CNTNAP2: variants seen among roughly 807,000 people sequenced by gnomAD.
CNTNAP2 encodes contactin associated protein 2, also known as contactin-associated protein-like 2.
CNTNAP2 carries 98 observed loss-of-function variants against 155.2 expected under a neutral mutation model. That is an observed-to-expected ratio of 0.63 (90% CI 0.54 to 0.75). The LOEUF (loss-of-function observed/expected upper bound fraction) is 0.75. Among genes scored for constraint, CNTNAP2 ranks in the 30% least tolerant of loss-of-function variants. The pLI is 0.00. For synonymous variants in CNTNAP2, 651 were observed against 631.2 expected (o/e 1.03, Z -0.47); for missense variants, 1,727 against 1,688.1 (o/e 1.02, Z -0.40).
At chr7:146,543,352 C>T (rs1797982051) in intron 1 of CNTNAP2, among the ~76,000 whole-genome samples, 4 of 151,824 alleles carry the variant, frequency 2.6e-5, no homozygotes, top group Admixed American at 2.6e-4. Flanking sequence ...GTGACTTTGA[C>T]ATACATAAAC....
At position 148,137,038 on chromosome 7, in the gene CNTNAP2, T is replaced by C. The variant is rs146978813; in HGVS notation, c.2555-10453T>C. Among the ~76,000 whole-genome samples, 180 of 152,284 alleles carry C rather than the reference T, an allele frequency of 1.2e-3. 1 individual carries two copies. The highest frequency in any genetic ancestry group is 4.2e-3 in the African/African-American group (173 of 41,564). Reference sequence around the variant, plus strand: ...AAGTAGAAGTTGGCTGACACAACCATAAGGGATGCTGTGAAGTGATTTCTG... The same window carrying C: ...AAGTAGAAGTTGGCTGACACAACCACAAGGGATGCTGTGAAGTGATTTCTG... On this transcript the variant is annotated intron_variant, in intron 16 of 23. Coordinates refer to ENST00000361727, the MANE Select transcript of CNTNAP2 (RefSeq NM_014141.6).
chr7:146,453,163 G>A (rs185283147), intron 1 of CNTNAP2, among the ~76,000 whole-genome samples: 11 of 152,142 alleles, frequency 7.2e-5, no homozygotes, highest in African/African-American at 9.7e-5. Context: ...GAAACCCTCC[G>A]GAATGTTCAG....
At chr7:147,318,182 C>G (rs189548285) in intron 9 of CNTNAP2, among the ~76,000 whole-genome samples, 15 of 152,226 alleles carry the variant, frequency 9.9e-5, no homozygotes, top group Admixed American at 9.8e-4. Flanking sequence ...TGGCTCACAC[C>G]TATAATCCCA....
intron 3 of CNTNAP2, among the ~76,000 whole-genome samples, chr7:146,993,633 C>T (rs1044474074): frequency 3.3e-5 from 5 of 152,188 alleles, no homozygotes; most frequent in East Asian, 1.9e-4. Context: ...CCTCCTGCCC[C>T]GCTCAAGCCT....
At chr7:148,350,801 G>T (rs1043400061) in intron 21 of CNTNAP2, among the ~76,000 whole-genome samples, 20 of 152,320 alleles carry the variant, frequency 1.3e-4, no homozygotes, top group African/African-American at 4.8e-4. Context: ...GCTGTGGATT[G>T]AGATCTGTAT....
intron 1 of CNTNAP2, among the ~76,000 whole-genome samples, chr7:146,628,311 G>A (rs1259138995): frequency 6.6e-6 from 1 of 152,070 alleles, no homozygotes; most frequent in Non-Finnish European, 1.5e-5. Flanking sequence ...TTTATCATAT[G>A]CGGAATCTAT....
At chr7:147,877,656 A>G (rs1272518657) in intron 13 of CNTNAP2, among the ~76,000 whole-genome samples, 4 of 152,144 alleles carry the variant, frequency 2.6e-5, no homozygotes, top group African/African-American at 9.7e-5. Flanking sequence ...CACTTTGTTA[A>G]ATGAACACCT....
chr7:146,121,742 C>T (rs2692362), intron 1 of CNTNAP2, among the ~76,000 whole-genome samples: 80,718 of 151,974 alleles, frequency 0.53, 21,634 homozygotes, highest in East Asian at 0.64. Flanking sequence ...TCTAGAGAGA[C>T]ACATATTTTA....
Position 148,039,441 on chromosome 7 carries a change from T to C in CNTNAP2, c.2383+61452T>C, listed in dbSNP as rs1437524516. On this transcript the variant is annotated intron_variant, in intron 15 of 23. Transcript: ENST00000361727. ...ACCCCAATCTCCTCTGGAAAGACCC[T>C]TGCAGACACACCCAGAAATAATTTT... is the stretch of plus-strand genomic sequence containing the variant. Among the ~76,000 whole-genome samples, 3 of 152,156 alleles carry C rather than the reference T, an allele frequency of 2.0e-5. No individual in the cohort carries two copies. In the East Asian group the frequency reaches 5.8e-4, roughly 29 times the overall value.
rs1463573348 is a variant in CNTNAP2, at chr7:147,705,536, G to T, written c.2098+66230G>T. On this transcript the variant is annotated intron_variant, in intron 13 of 23. Transcript: ENST00000361727. Reference sequence around the variant, plus strand: ...AAGGTGCATTCTGTAGCTGCTGAATGAAGTGTTCTCTAGATGTCTGTTAGG... The same window carrying T: ...AAGGTGCATTCTGTAGCTGCTGAATTAAGTGTTCTCTAGATGTCTGTTAGG... Among the ~76,000 whole-genome samples, 6 of 152,280 alleles carry T rather than the reference G, an allele frequency of 3.9e-5. No individual in the cohort carries two copies. In the East Asian group the frequency reaches 1.2e-3, roughly 29 times the overall value.
intron 10 of CNTNAP2, among the ~76,000 whole-genome samples, chr7:147,419,699 C>A (rs1389565095): frequency 6.6e-6 from 1 of 152,128 alleles, no homozygotes; most frequent in Non-Finnish European, 1.5e-5. Context: ...TTTAGATTAT[C>A]TACCAGTGTT....
intron 21 of CNTNAP2, among the ~76,000 whole-genome samples, chr7:148,330,633 G>A (rs1454857696): frequency 6.7e-6 from 1 of 149,854 alleles, no homozygotes; most frequent in Admixed American, 6.6e-5. Context: ...TGGAGTGGAC[G>A]GACGGAGTGG....
chr7:146,179,418 GA>G (rs1562979241), intron 1 of CNTNAP2, among the ~76,000 whole-genome samples: 2 of 151,942 alleles, frequency 1.3e-5, no homozygotes, highest in African/African-American at 2.4e-5. Context: ...TAGAAAGTCA[GA>G]AAAAAACTTT....
At chr7:148,116,588 A>T (rs888892459) in intron 15 of CNTNAP2, among the ~76,000 whole-genome samples, 10 of 152,190 alleles carry the variant, frequency 6.6e-5, no homozygotes, top group Admixed American at 2.0e-4. Flanking sequence ...TTATCTTTTA[A>T]CATGCCTGGG....
intron 3 of CNTNAP2, among the ~76,000 whole-genome samples, chr7:146,957,534 A>G (rs2129229510): frequency 6.6e-6 from 1 of 152,336 alleles, no homozygotes; most frequent in East Asian, 1.9e-4. Context: ...AGCATAGAGT[A>G]ATTGTGCAAA....
At chr7:148,352,528 T>C (rs995165780) in intron 21 of CNTNAP2, among the ~76,000 whole-genome samples, 1 of 152,192 alleles carries the variant, frequency 6.6e-6, no homozygotes, top group Non-Finnish European at 1.5e-5. Context: ...TGCCGCCAAA[T>C]TGGACCTGGT....
At chr7:148,179,184 C>G in intron 18 of CNTNAP2, among the ~76,000 whole-genome samples, 1 of 152,118 alleles carries the variant, frequency 6.6e-6, no homozygotes, top group Admixed American at 6.5e-5. Flanking sequence ...CTCCTGCATC[C>G]CTTCCTGACT....
intron 14 of CNTNAP2, among the ~76,000 whole-genome samples, chr7:147,944,164 T>C (rs1019855102): frequency 2.0e-5 from 3 of 152,202 alleles, no homozygotes; most frequent in African/African-American, 4.8e-5. Context: ...CCTACTGGTG[T>C]CTCATTTTTT....
At chr7:146,720,614 A>C (rs1801269620) in intron 1 of CNTNAP2, among the ~76,000 whole-genome samples, 1 of 152,068 alleles carries the variant, frequency 6.6e-6, no homozygotes, top group African/African-American at 2.4e-5. Flanking sequence ...TGTTCAAAGG[A>C]ACTCCAAAAT....
Sources: gnomAD v4.1 joint callset for allele counts (sites outside exome capture counted in the v4.1 genomes callset) on GRCh38, gnomAD v4.1.1 for gene constraint, MANE v1.5 for transcripts, NCBI Gene and HGNC (gene_info 2026-07-23, HGNC 2026-07-21) for gene names.